KIRREL3: variants seen among roughly 807,000 people sequenced by gnomAD.
The protein encoded by KIRREL3 is kirre like nephrin family adhesion molecule 3, also known as kin of IRRE-like protein 3.
In KIRREL3, 36 loss-of-function variants were observed where a neutral mutation model predicts 89.7. That is an observed-to-expected ratio of 0.40 (90% CI 0.31 to 0.53). The LOEUF (loss-of-function observed/expected upper bound fraction) is 0.53. Ranked by LOEUF, KIRREL3 falls within the 20% of genes least tolerant of loss-of-function variation. KIRREL3 has a pLI of 0.49. For synonymous variants in KIRREL3, 445 were observed against 441.4 expected (o/e 1.01, Z -0.10); for missense variants, 864 against 1,056.6 (o/e 0.82, Z 2.53).
intron 1 of KIRREL3, among the ~76,000 whole-genome samples, chr11:126,849,434 CA>C (rs1341098816): frequency 1.3e-5 from 2 of 152,180 alleles, no homozygotes; most frequent in Admixed American, 1.3e-4. Context: ...AACTTGCTTT[CA>C]CTTTACTCTA....
intron 1 of KIRREL3, among the ~76,000 whole-genome samples, chr11:126,718,967 C>A (rs1290872635): frequency 6.6e-6 from 1 of 152,206 alleles, no homozygotes; most frequent in Admixed American, 6.5e-5. Flanking sequence ...CCAGAGTCAT[C>A]ATTCCCCCTT....
At chr11:126,923,071 A>C (rs1592367062) in intron 1 of KIRREL3, among the ~76,000 whole-genome samples, 1 of 149,708 alleles carries the variant, frequency 6.7e-6, no homozygotes, top group Non-Finnish European at 1.5e-5. Context: ...GTTTCTGCTC[A>C]GCTTGCCTTG....
chr11:126,562,883 G>T lies in KIRREL3; in HGVS notation c.85C>A (p.Leu29Met). 1 of 1,613,814 alleles carries T rather than the reference G, an allele frequency of 6.2e-7. No homozygotes were observed. Among genetic ancestry groups the T allele is most frequent in the Non-Finnish European group, 8.5e-7 (1 of 1,179,792 alleles). ...ELGLQKRGCC[L>M]VLGYMAKDKF... ...TCCTTGGCCATGTAGCCCAGCACCAGACAGCATCCTCTCTTCTGGAGGCCC... is the reference window on the plus strand; with the variant it reads ...TCCTTGGCCATGTAGCCCAGCACCATACAGCATCCTCTCTTCTGGAGGCCC... The change falls in exon 2 of 17, where the codon CTG becomes ATG. Residue 29 changes from leucine to methionine, a missense_variant. By Grantham distance (15) the Leu-to-Met change is conservative. Coordinates refer to ENST00000525144, the MANE Select transcript of KIRREL3 (RefSeq NM_032531.4). The surrounding 1 kb of genome is among the most constrained non-coding windows in gnomAD (Gnocchi z 4.7).
intron 4 of KIRREL3, among the ~76,000 whole-genome samples, chr11:126,517,608 G>A (rs1198436849): frequency 2.0e-5 from 3 of 152,188 alleles, no homozygotes; most frequent in Non-Finnish European, 2.9e-5. Context: ...CCTCAAAGTG[G>A]GATGCTGTTT....
Position 126,712,770 on chromosome 11 carries a change from G to A in KIRREL3, c.56-149858C>T, listed in dbSNP as rs554038999. 1.2e-4 allele frequency among the ~76,000 whole-genome samples: 18 copies of A among 152,300 alleles called. No homozygotes were observed. In the South Asian group the frequency reaches 3.7e-3, roughly 32 times the overall value. Reference sequence around the variant, plus strand: ...AAAGTAGGTGGAGACAGTGCTTTTGGCCACGACCCGTTTTTGTCATCCTCG... The same window carrying A: ...AAAGTAGGTGGAGACAGTGCTTTTGACCACGACCCGTTTTTGTCATCCTCG... On this transcript the variant is annotated intron_variant, in intron 1 of 16. Transcript: ENST00000525144.
rs1203558440 is a variant in KIRREL3 at position 126,906,422 on chromosome 11, T to C, written c.55+94033A>G. 1.3e-5 allele frequency among the ~76,000 whole-genome samples: 2 copies of C among 152,192 alleles called. No individual in the cohort carries two copies. Among genetic ancestry groups the C allele is most frequent in the African/African-American group, 4.8e-5 (2 of 41,442 alleles). The stretch of plus-strand genomic sequence containing the variant: ...AACTGAGGCTTAAGGAACGGAAGTA[T>C]TAGCAGCAAGGTTACTCCCAAAGAG... On this transcript the variant is annotated intron_variant, in intron 1 of 16. Coordinates refer to ENST00000525144, the MANE Select transcript of KIRREL3 (RefSeq NM_032531.4). This position sits in a 1 kb window ranked among gnomAD's most constrained non-coding sequence, Gnocchi z 4.1.
rs1946689698 is a variant in KIRREL3 at position 126,687,003 on chromosome 11, G to A, written c.56-124091C>T. The stretch of plus-strand genomic sequence containing the variant: ...ATGACATCCCTGGAACTGCAGTAGA[G>A]GAGTATGGCTAGAAGGCAGGACAAT... On this transcript the variant is annotated intron_variant, in intron 1 of 16. Coordinates refer to ENST00000525144, the MANE Select transcript of KIRREL3 (RefSeq NM_032531.4). The surrounding 1 kb of genome is among the most constrained non-coding windows in gnomAD (Gnocchi z 4.6). 6.6e-6 allele frequency among the ~76,000 whole-genome samples: 1 copy of A among 152,206 alleles called. No homozygotes were observed. The highest frequency in any genetic ancestry group is 1.5e-5 in the Non-Finnish European group (1 of 68,036).
At chr11:126,907,763 C>A (rs991193005) in intron 1 of KIRREL3, among the ~76,000 whole-genome samples, 4 of 151,992 alleles carry the variant, frequency 2.6e-5, no homozygotes, top group African/African-American at 4.8e-5. Flanking sequence ...AGGATCGGGC[C>A]CCTGCTGCCC....
chr11:126,715,872 T>C lies in KIRREL3; in HGVS notation c.56-152960A>G, dbSNP rs1037419603. Reference sequence around the variant, plus strand: ...AAGCCCTTGGTGCTCCTCTGAAGAATGCAAGAGCAATCTGCAGTGTTATTG... The same window carrying C: ...AAGCCCTTGGTGCTCCTCTGAAGAACGCAAGAGCAATCTGCAGTGTTATTG... On this transcript the variant is annotated intron_variant, in intron 1 of 16. Transcript: ENST00000525144. This position sits in a 1 kb window ranked among gnomAD's most constrained non-coding sequence, Gnocchi z 4.4. 2.0e-5 allele frequency among the ~76,000 whole-genome samples: 3 copies of C among 152,194 alleles called. No homozygotes were observed. The highest frequency in any genetic ancestry group is 4.4e-5 in the Non-Finnish European group (3 of 68,038).
intron 6 of KIRREL3, among the ~76,000 whole-genome samples, chr11:126,458,011 C>T (rs1264260220): frequency 1.3e-5 from 2 of 151,910 alleles, no homozygotes; most frequent in Admixed American, 6.5e-5. Flanking sequence ...CTCCTGGTGG[C>T]CCCCAGGCCT....
rs1442302886 is a variant in KIRREL3 at position 126,449,157 on chromosome 11, C to T, written c.849G>A (p.Arg283=). 23 of 1,613,680 alleles carry T rather than the reference C, an allele frequency of 1.4e-5. No homozygotes were observed. The highest frequency in any genetic ancestry group is 1.9e-5 in the Non-Finnish European group (22 of 1,179,744). ...TGATGATCTGGCCCCGCTTGGCCCACCTGCAACAAAGGCCAGGGGCTGATG... is the reference window on the plus strand; with the variant it reads ...TGATGATCTGGCCCCGCTTGGCCCATCTGCAACAAAGGCCAGGGGCTGATG... ...AKANPAVTQY[R]WAKRGQIIKE... is the part of the protein sequence containing the mutation. The change falls in exon 8 of 17, where the codon AGG becomes AGA. Residue 283 remains arginine, a splice_region_variant and synonymous_variant. Transcript: ENST00000525144.
intron 1 of KIRREL3, among the ~76,000 whole-genome samples, chr11:126,618,544 C>T (rs1162713478): frequency 6.6e-6 from 1 of 152,180 alleles, no homozygotes. Flanking sequence ...AAGCGATTCT[C>T]CTGCGTCAGC....
intron 5 of KIRREL3, among the ~76,000 whole-genome samples, chr11:126,470,807 G>A (rs905904388): frequency 6.6e-6 from 1 of 152,146 alleles, no homozygotes; most frequent in African/African-American, 2.4e-5. Context: ...GCCTGGCACT[G>A]CCCACTCCAC....
rs927653373 is a variant in KIRREL3 at position 126,525,155 on chromosome 11, C to G, written c.283+1383G>C. ...CACCGTATGCACTATCCCTGCTGAC[C>G]TGAGCCTCCTTTTGGCCACTGACCC... On this transcript the variant is annotated intron_variant, in intron 3 of 16. Transcript: ENST00000525144. This position sits in a 1 kb window ranked among gnomAD's most constrained non-coding sequence, Gnocchi z 5.4. 2.0e-5 allele frequency among the ~76,000 whole-genome samples: 3 copies of G among 152,268 alleles called. No homozygotes were observed. Among genetic ancestry groups the G allele is most frequent in the Admixed American group, 6.5e-5 (1 of 15,302 alleles).
chr11:126,737,680 G>A (rs75740622), intron 1 of KIRREL3, among the ~76,000 whole-genome samples: 1,854 of 152,280 alleles, frequency 0.012, 42 homozygotes, highest in African/African-American at 0.041. Flanking sequence ...GGCATTTTTA[G>A]ACACAGTGAG....
At chr11:126,960,282 G>A (rs1466175098) in intron 1 of KIRREL3, among the ~76,000 whole-genome samples, 4 of 152,194 alleles carry the variant, frequency 2.6e-5, no homozygotes, top group African/African-American at 9.6e-5. Flanking sequence ...GAGCAGGGTA[G>A]TTTAATATCC....
At chr11:126,973,029 T>C (rs996571496) in intron 1 of KIRREL3, among the ~76,000 whole-genome samples, 30 of 149,612 alleles carry the variant, frequency 2.0e-4, no homozygotes, top group African/African-American at 7.2e-4. Flanking sequence ...ACTAAGGGCA[T>C]TGCTGAACCC....
chr11:126,441,565 G>A lies in KIRREL3; in HGVS notation c.1253-1016C>T, dbSNP rs1955564532. ...TCCCTTTCCAATCCCTGGGGTCACAGTTGGGACTTAGATGGCAGATACCAG... is the reference window on the plus strand; with the variant it reads ...TCCCTTTCCAATCCCTGGGGTCACAATTGGGACTTAGATGGCAGATACCAG... On this transcript the variant is annotated intron_variant, in intron 10 of 16. Coordinates refer to ENST00000525144, the MANE Select transcript of KIRREL3 (RefSeq NM_032531.4). The surrounding 1 kb of genome is among the most constrained non-coding windows in gnomAD (Gnocchi z 5.0). Among the ~76,000 whole-genome samples, 1 of 152,254 alleles carries A rather than the reference G, an allele frequency of 6.6e-6. No homozygotes were observed. The highest frequency in any genetic ancestry group is 1.5e-5 in the Non-Finnish European group (1 of 68,046).
intron 1 of KIRREL3, among the ~76,000 whole-genome samples, chr11:126,779,024 T>C (rs1294438476): frequency 6.6e-6 from 1 of 152,218 alleles, no homozygotes. Flanking sequence ...GAATTGCTGC[T>C]GTGCTTAGAG....
Sources: allele counts gnomAD v4.1 joint callset (sites outside exome capture counted in the v4.1 genomes callset), GRCh38; gene constraint gnomAD v4.1.1; non-coding constraint Gnocchi (gnomAD v3.1); transcripts MANE v1.5; gene names NCBI Gene and HGNC (gene_info 2026-07-23, HGNC 2026-07-21).